The following ARHGAP15 variants were observed in gnomAD, a reference collection of about 807,000 sequenced individuals.
ARHGAP15 encodes the protein Rho GTPase activating protein 15.
ARHGAP15 carries 51 observed loss-of-function variants against 63.7 expected under a neutral mutation model. The observed-to-expected ratio is 0.80, with a 90% CI of 0.64 to 1.01. The LOEUF (loss-of-function observed/expected upper bound fraction) is 1.01. ARHGAP15 is among the 50% of genes least tolerant of loss of function. The pLI is 0.00. For missense variants in ARHGAP15, 560 were observed against 564.6 expected, an observed-to-expected ratio of 0.99 and a Z score of 0.08; for synonymous variants, 191 against 193.8, an observed-to-expected ratio of 0.99 and a Z score of 0.12.
intron 11 of ARHGAP15, among the ~76,000 whole-genome samples, chr2:143,569,399 G>C (rs900857510): frequency 1.3e-5 from 2 of 152,192 alleles, no homozygotes; most frequent in African/African-American, 2.4e-5. Flanking sequence ...AGAACAGATG[G>C]AGACGGGTGA....
At chr2:143,558,906 G>T (rs138663871) in intron 11 of ARHGAP15, among the ~76,000 whole-genome samples, 106 of 152,230 alleles carry the variant, frequency 7.0e-4, no homozygotes, top group African/African-American at 2.5e-3. Flanking sequence ...AGCTCTGCTT[G>T]TTCACTAATG....
At position 143,192,998 on chromosome 2, in the gene ARHGAP15, T is replaced by C. The variant is rs114575269; in HGVS notation, c.166-9136T>C. Among the ~76,000 whole-genome samples, 392 of 152,334 alleles carry C rather than the reference T, an allele frequency of 2.6e-3. 2 individuals carry two copies. Among genetic ancestry groups the C allele is most frequent in the African/African-American group, 9.1e-3 (379 of 41,584 alleles). On this transcript the variant is annotated intron_variant, in intron 2 of 13. Transcript: ENST00000295095. ...ATCCAACCCATTTCAGTGTTAGCAC[T>C]TGTCATGTGGGGCTCTGTGAATTCT...
At chr2:143,172,177 T>C (rs1334321256) in intron 2 of ARHGAP15, 2 of 152,112 alleles carry the variant, frequency 1.3e-5, no homozygotes, top group Admixed American at 6.6e-5. Context: ...GGGTATCAAA[T>C]GTTCACGTTT....
intron 6 of ARHGAP15, among the ~76,000 whole-genome samples, chr2:143,397,566 A>G (rs1381820314): frequency 1.4e-5 from 2 of 142,174 alleles, no homozygotes; most frequent in Non-Finnish European, 3.0e-5. Context: ...GGCAAAAAAA[A>G]ACGAAGAAGA....
intron 5 of ARHGAP15, among the ~76,000 whole-genome samples, chr2:143,244,951 C>A (rs1693992837): frequency 6.6e-6 from 1 of 152,068 alleles, no homozygotes; most frequent in African/African-American, 2.4e-5. Flanking sequence ...AAGAAACTTT[C>A]AGGTGAAGTG....
At chr2:143,470,872 GTA>G (rs1308750068) in intron 8 of ARHGAP15, among the ~76,000 whole-genome samples, 1 of 148,246 alleles carries the variant, frequency 6.7e-6, no homozygotes, top group African/African-American at 2.5e-5. Context: ...ATGTGTGTGT[GTA>G]TATATATACA....
At chr2:143,201,063 G>A (rs1692095961) in intron 2 of ARHGAP15, among the ~76,000 whole-genome samples, 1 of 151,988 alleles carries the variant, frequency 6.6e-6, no homozygotes, top group African/African-American at 2.4e-5. Context: ...TTGAAGTTTA[G>A]GGGAAACTCA....
intron 8 of ARHGAP15, among the ~76,000 whole-genome samples, chr2:143,481,620 G>C (rs58288460): frequency 6.6e-6 from 1 of 151,974 alleles, no homozygotes; most frequent in Non-Finnish European, 1.5e-5. Flanking sequence ...GTAGATATTC[G>C]TCGTCCATCC....
chr2:143,142,554 T>C (rs1689413258), intron 1 of ARHGAP15, among the ~76,000 whole-genome samples: 1 of 152,112 alleles, frequency 6.6e-6, no homozygotes, highest in Non-Finnish European at 1.5e-5. Flanking sequence ...TCATAACAAA[T>C]ACATTTGTCT....
At chr2:143,637,575 G>A (rs1003096679) in intron 12 of ARHGAP15, among the ~76,000 whole-genome samples, 3 of 152,014 alleles carry the variant, frequency 2.0e-5, no homozygotes, top group African/African-American at 7.2e-5. Context: ...TCCTAGTATT[G>A]TGATATTTAC....
At chr2:143,638,275 G>A (rs890495432) in intron 12 of ARHGAP15, among the ~76,000 whole-genome samples, 2 of 145,280 alleles carry the variant, frequency 1.4e-5, no homozygotes, top group Non-Finnish European at 3.0e-5. Context: ...TGATAGACTG[G>A]ATTAAGAAAA....
In ARHGAP15 at chr2:143,362,574, A is replaced by C. The variant is rs531015402; in HGVS notation, c.475-73027A>C. 2.6e-5 allele frequency among the ~76,000 whole-genome samples: 4 copies of C among 152,316 alleles called. No homozygotes were observed. In the East Asian group the frequency reaches 7.7e-4, roughly 29 times the overall value. On this transcript the variant is annotated intron_variant, in intron 6 of 13. Coordinates refer to ENST00000295095, the MANE Select transcript of ARHGAP15 (RefSeq NM_018460.4). ...GTTAGTCTTGACCATAGATCTTCAG[A>C]CCTATACATCCAACTGTTTCTTTGA...
intron 12 of ARHGAP15, among the ~76,000 whole-genome samples, chr2:143,672,750 C>T (rs560126097): frequency 7.9e-5 from 12 of 152,066 alleles, no homozygotes; most frequent in African/African-American, 1.9e-4. Flanking sequence ...TTTGCTTTGC[C>T]GATGGTAGAG....
At chr2:143,529,234 T>A (rs994835104) in intron 10 of ARHGAP15, among the ~76,000 whole-genome samples, 6 of 152,094 alleles carry the variant, frequency 3.9e-5, no homozygotes, top group Non-Finnish European at 8.8e-5. Flanking sequence ...GAAAGAAATA[T>A]GTTAGACATC....
intron 4 of ARHGAP15, among the ~76,000 whole-genome samples, chr2:143,220,408 G>A (rs1236922634): frequency 6.6e-6 from 1 of 152,038 alleles, no homozygotes; most frequent in South Asian, 2.1e-4. Flanking sequence ...CCTGGGTCTC[G>A]CCATGTTGCT....
At chr2:143,520,988 A>G (rs1194462260) in intron 10 of ARHGAP15, among the ~76,000 whole-genome samples, 1 of 152,216 alleles carries the variant, frequency 6.6e-6, no homozygotes, top group African/African-American at 2.4e-5. Flanking sequence ...GTCTATAAAT[A>G]GAAACCATGT....
chr2:143,195,174 CAATAAT>C (rs1691842046), intron 2 of ARHGAP15, among the ~76,000 whole-genome samples: 1 of 151,116 alleles, frequency 6.6e-6, no homozygotes, highest in Admixed American at 6.6e-5. Context: ...TTCTGACTGA[CAATAAT>C]AAACAATCAA....
intron 2 of ARHGAP15, among the ~76,000 whole-genome samples, chr2:143,189,490 T>C (rs1691590497): frequency 6.6e-6 from 1 of 151,396 alleles, no homozygotes; most frequent in African/African-American, 2.4e-5. Flanking sequence ...TTCTCTGATC[T>C]TTTCTTTCTT....
intron 9 of ARHGAP15, among the ~76,000 whole-genome samples, chr2:143,487,728 G>C (rs1692391102): frequency 6.6e-6 from 1 of 152,122 alleles, no homozygotes; most frequent in Non-Finnish European, 1.5e-5. Context: ...GCCCACAGAG[G>C]ATCTGTGTTC....
Sources: allele counts gnomAD v4.1 joint callset (sites outside exome capture counted in the v4.1 genomes callset), GRCh38; gene constraint gnomAD v4.1.1; transcripts MANE v1.5; gene names NCBI Gene and HGNC (gene_info 2026-07-23, HGNC 2026-07-21).